The following SPATA17 variants were observed in gnomAD, a reference collection of about 807,000 sequenced individuals.
SPATA17 encodes spermatogenesis-associated protein 17.
SPATA17 carries 53 observed loss-of-function variants against 62.2 expected under a neutral mutation model. The ratio of observed to expected loss-of-function variants is 0.85; its 90% confidence interval spans 0.68 to 1.07. The LOEUF is 1.07. Ranked by LOEUF, SPATA17 falls within the 50% of genes least tolerant of loss-of-function variation. The pLI is 0.00. For synonymous variants in SPATA17, 146 were observed against 146.8 expected, an observed-to-expected ratio of 0.99 and a Z score of 0.04; for missense variants, 466 against 425.5, an observed-to-expected ratio of 1.10 and a Z score of -0.84.
intron 9 of SPATA17, among the ~76,000 whole-genome samples, chr1:217,829,691 T>C (rs556931211): frequency 1.4e-5 from 2 of 145,636 alleles, no homozygotes; most frequent in East Asian, 4.1e-4. Flanking sequence ...AAAAGATATA[T>C]TTTAAAACGA....
intron 9 of SPATA17, among the ~76,000 whole-genome samples, chr1:217,857,810 A>G (rs1675815653): frequency 6.6e-6 from 1 of 152,198 alleles, no homozygotes; most frequent in Non-Finnish European, 1.5e-5. Flanking sequence ...AGAGCAATAA[A>G]GAGTTTCTGA....
At chr1:217,836,034 C>T (rs1675252919) in intron 9 of SPATA17, among the ~76,000 whole-genome samples, 1 of 152,078 alleles carries the variant, frequency 6.6e-6, no homozygotes, top group African/African-American at 2.4e-5. Context: ...CATTGCCTAG[C>T]CACCCCTAAA....
intron 3 of SPATA17, among the ~76,000 whole-genome samples, chr1:217,651,632 A>T (rs1214574401): frequency 6.6e-6 from 1 of 152,200 alleles, no homozygotes; most frequent in South Asian, 2.1e-4. Flanking sequence ...TCTCTTCAGG[A>T]CTTTCTGATA....
chr1:217,700,810 T>A lies in SPATA17; in HGVS notation c.395+17449T>A, dbSNP rs1452017329. On this transcript the variant is annotated intron_variant, in intron 5 of 10. Transcript: ENST00000366933. ...TAGTAGAGATGGGGTTTCACCATGT[T>A]GGCCAGGCTGGTCTGGAACTTCTGA... 2.0e-5 allele frequency among the ~76,000 whole-genome samples: 3 copies of A among 150,296 alleles called. No homozygotes were observed. In the East Asian group the frequency reaches 5.8e-4, roughly 29 times the overall value.
At chr1:217,774,259 T>A (rs1673531252) in intron 6 of SPATA17, 75 bp from the exon 7 acceptor site, 2 of 1,290,510 alleles carry the variant, frequency 1.5e-6, no homozygotes, top group East Asian at 2.4e-5. Flanking sequence ...TAAGAAAAAA[T>A]TTCATGGTAC....
At chr1:217,687,464 C>T (rs1248406099) in intron 5 of SPATA17, among the ~76,000 whole-genome samples, 1 of 152,120 alleles carries the variant, frequency 6.6e-6, no homozygotes, top group East Asian at 1.9e-4. Flanking sequence ...ATGTTTTGGT[C>T]AATGACGTAC....
At position 217,775,595 on chromosome 1, in the gene SPATA17, G is replaced by A. The variant is rs542928325; in HGVS notation, c.723+1058G>A. Among the ~76,000 whole-genome samples the A allele has an allele frequency of 1.2e-4, 18 of 152,100 alleles. 1 individual carries two copies. The highest frequency in any genetic ancestry group is 4.1e-4 in the African/African-American group (17 of 41,508). ...GTGCACCCTGTGGTCCCAGCTACTC[G>A]GGAGGCTGAGGCAGGAGAATCACTT... On this transcript the variant is annotated intron_variant, in intron 7 of 10. Coordinates refer to ENST00000366933, the MANE Select transcript of SPATA17 (RefSeq NM_138796.4).
At chr1:217,673,750 G>A (rs1396238380) in intron 4 of SPATA17, among the ~76,000 whole-genome samples, 4 of 152,118 alleles carry the variant, frequency 2.6e-5, no homozygotes, top group Admixed American at 2.6e-4. Context: ...GGCTTAGAGA[G>A]TCCGGTTCCT....
intron 6 of SPATA17, among the ~76,000 whole-genome samples, chr1:217,761,571 G>A (rs1673173491): frequency 6.6e-6 from 1 of 152,174 alleles, no homozygotes; most frequent in Admixed American, 6.5e-5. Context: ...GCAGGAATCA[G>A]TCTTGAGAGG....
chr1:217,782,853 A>C (rs570298566), intron 8 of SPATA17, among the ~76,000 whole-genome samples: 64 of 151,938 alleles, frequency 4.2e-4, no homozygotes, highest in African/African-American at 1.5e-3. Context: ...TTTGGGTCTT[A>C]ATTCAGACAT....
intron 5 of SPATA17, among the ~76,000 whole-genome samples, chr1:217,720,882 C>T (rs558873678): frequency 6.6e-6 from 1 of 152,218 alleles, no homozygotes; most frequent in Non-Finnish European, 1.5e-5. Context: ...GTGGCTGCAG[C>T]CTGCTGGATT....
chr1:217,652,231 T>A (rs887742462), intron 3 of SPATA17, among the ~76,000 whole-genome samples: 1 of 152,162 alleles, frequency 6.6e-6, no homozygotes, highest in African/African-American at 2.4e-5. Flanking sequence ...CTGAGTATAG[T>A]ATGTCTTTTT....
At chr1:217,662,067 G>A (rs990624992) in intron 3 of SPATA17, among the ~76,000 whole-genome samples, 18 of 152,132 alleles carry the variant, frequency 1.2e-4, no homozygotes, top group African/African-American at 4.3e-4. Context: ...CTAACAATTT[G>A]AGAGTTCCCT....
intron 5 of SPATA17, among the ~76,000 whole-genome samples, chr1:217,697,604 AAATAT>A (rs1171310100): frequency 6.6e-5 from 10 of 152,146 alleles, no homozygotes; most frequent in African/African-American, 1.9e-4. Context: ...TTTGAAAATA[AAATAT>A]ATTATCTTTT....
At chr1:217,762,655 G>A (rs1464011552) in intron 6 of SPATA17, among the ~76,000 whole-genome samples, 1 of 152,146 alleles carries the variant, frequency 6.6e-6, no homozygotes, top group Non-Finnish European at 1.5e-5. Context: ...CTCAGCCCTG[G>A]CTGCACATCA....
At chr1:217,841,269 C>G (rs1406365958) in intron 9 of SPATA17, among the ~76,000 whole-genome samples, 1 of 151,802 alleles carries the variant, frequency 6.6e-6, no homozygotes, top group African/African-American at 2.4e-5. Flanking sequence ...TTTGGGACAT[C>G]AATAGGGACT....
intron 1 of SPATA17, among the ~76,000 whole-genome samples, chr1:217,639,309 A>T (rs1384629768): frequency 6.6e-6 from 1 of 152,126 alleles, no homozygotes; most frequent in Non-Finnish European, 1.5e-5. Context: ...ATGATTCAAG[A>T]CCACAGATAA....
At chr1:217,769,859 T>C (rs1673393765) in intron 6 of SPATA17, among the ~76,000 whole-genome samples, 1 of 152,206 alleles carries the variant, frequency 6.6e-6, no homozygotes, top group Non-Finnish European at 1.5e-5. Context: ...TGTTTCCTTT[T>C]AGTTCTTAGC....
chr1:217,756,496 G>A (rs927917585), intron 6 of SPATA17, among the ~76,000 whole-genome samples: 7 of 152,136 alleles, frequency 4.6e-5, no homozygotes, highest in East Asian at 3.8e-4. Context: ...GTTTATGGAT[G>A]GTTTCAAGGG....
Sources: allele counts gnomAD v4.1 joint callset (sites outside exome capture counted in the v4.1 genomes callset), GRCh38; gene constraint gnomAD v4.1.1; transcripts MANE v1.5; gene names NCBI Gene and HGNC (gene_info 2026-07-23, HGNC 2026-07-21).